FAM169A: variants seen among roughly 807,000 people sequenced by gnomAD.
FAM169A encodes the protein family with sequence similarity 169 member A, also known as soluble lamin-associated protein of 75 kDa.
FAM169A carries 24 observed loss-of-function variants against 75.7 expected under a neutral mutation model. The ratio of observed to expected loss-of-function variants is 0.32; its 90% CI spans 0.23 to 0.45. The LOEUF is 0.45. FAM169A is among the 20% of genes least tolerant of loss of function. The probability of loss-of-function intolerance (pLI) is 1.00; values close to 1 mark genes in which losing one functional copy is unlikely to be tolerated. For missense variants in FAM169A, 673 were observed against 784.0 expected (o/e 0.86, Z 1.69); for synonymous variants, 271 against 271.0 (o/e 1.00, Z 0.00).
intron 5 of FAM169A, among the ~76,000 whole-genome samples, chr5:74,827,345 T>C (rs1011128295): frequency 7.9e-5 from 12 of 152,144 alleles, no homozygotes; most frequent in Admixed American, 1.3e-4. Context: ...TTAACAGTTT[T>C]ACACTGCTCC....
At chr5:74,810,244 A>G (rs974022835) in intron 6 of FAM169A, among the ~76,000 whole-genome samples, 1 of 152,230 alleles carries the variant, frequency 6.6e-6, no homozygotes, top group Admixed American at 6.5e-5. Flanking sequence ...ATTTTTCATG[A>G]AACTCTAGAA....
At chr5:74,807,129 A>G (rs1746928634) in intron 6 of FAM169A, among the ~76,000 whole-genome samples, 1 of 152,182 alleles carries the variant, frequency 6.6e-6, no homozygotes, top group South Asian at 2.1e-4. Flanking sequence ...CTGGGGTTAC[A>G]TTCTGATAAA....
intron 5 of FAM169A, among the ~76,000 whole-genome samples, chr5:74,820,602 C>T (rs1433002048): frequency 6.6e-6 from 1 of 152,070 alleles, no homozygotes; most frequent in Admixed American, 6.6e-5. Context: ...CCACCTCTAC[C>T]CCATCTCCCT....
At chr5:74,823,957 G>C (rs1435708977) in intron 5 of FAM169A, among the ~76,000 whole-genome samples, 2 of 152,106 alleles carry the variant, frequency 1.3e-5, no homozygotes, top group Non-Finnish European at 2.9e-5. Context: ...CTGAATTTTA[G>C]TGAACAGGAA....
At chr5:74,866,092 G>T in intron 1 of FAM169A, 73 bp downstream of exon 1, 15 of 771,140 alleles carry the variant, frequency 1.9e-5, no homozygotes, top group Non-Finnish European at 2.4e-5. Context: ...TGGTGCTGGC[G>T]GGGGCGCGGG....
At chr5:74,827,294 T>C (rs1199787284) in intron 5 of FAM169A, among the ~76,000 whole-genome samples, 1 of 152,152 alleles carries the variant, frequency 6.6e-6, no homozygotes, top group East Asian at 1.9e-4. Context: ...GAAACTATAA[T>C]CAATCTGGTA....
chr5:74,794,227 TGC>T, intron 11 of FAM169A, among the ~76,000 whole-genome samples: 1 of 145,904 alleles, frequency 6.9e-6, no homozygotes, highest in Admixed American at 6.9e-5. Flanking sequence ...ACCCCATCTC[TGC>T]TCAAAATTCA....
At chr5:74,784,932 A>T (rs541775856) in intron 11 of FAM169A, among the ~76,000 whole-genome samples, 74 of 151,130 alleles carry the variant, frequency 4.9e-4, no homozygotes, top group African/African-American at 1.6e-3. Flanking sequence ...AAAAAAAAAA[A>T]AAAAATGAAA....
At chr5:74,793,596 T>C (rs558621614) in intron 11 of FAM169A, among the ~76,000 whole-genome samples, 6 of 152,142 alleles carry the variant, frequency 3.9e-5, no homozygotes, top group South Asian at 2.1e-4. Context: ...AGACTACACG[T>C]TGGGTACAGT....
At chr5:74,789,166 C>A (rs1390609530) in intron 11 of FAM169A, among the ~76,000 whole-genome samples, 2 of 152,208 alleles carry the variant, frequency 1.3e-5, no homozygotes, top group Admixed American at 1.3e-4. Context: ...TTCACTTCCA[C>A]AAGTTATCAC....
chr5:74,851,115 A>C (rs185884170), intron 1 of FAM169A, among the ~76,000 whole-genome samples: 1 of 152,316 alleles, frequency 6.6e-6, no homozygotes, highest in East Asian at 1.9e-4. Context: ...CTGTACAGCA[A>C]AGTCTGGAAG....
chr5:74,799,882 T>A (rs1374764006), intron 10 of FAM169A: 2 of 991,574 alleles, frequency 2.0e-6, no homozygotes, highest in Non-Finnish European at 3.3e-6. Flanking sequence ...CAACGCAACA[T>A]GTCTGCCATG....
At chr5:74,812,654 C>T (rs565797515) in intron 6 of FAM169A, among the ~76,000 whole-genome samples, 1 of 152,042 alleles carries the variant, frequency 6.6e-6, no homozygotes, top group Admixed American at 6.6e-5. Flanking sequence ...AACCCCCCCC[C>T]AAAATGGTCA....
At chr5:74,795,422 T>C (rs1267669088) in intron 11 of FAM169A, among the ~76,000 whole-genome samples, 2 of 151,392 alleles carry the variant, frequency 1.3e-5, no homozygotes, top group African/African-American at 4.9e-5. Flanking sequence ...AAGAGAAAAA[T>C]GGAAATGGAT....
At chr5:74,818,803 C>CTCTCTCTCTA (rs1451956898) in intron 5 of FAM169A, among the ~76,000 whole-genome samples, 2 of 121,620 alleles carry the variant, frequency 1.6e-5, no homozygotes, top group African/African-American at 3.4e-5. Context: ...CTCTCTCTCT[C>CTCTCTCTCTA]TATATATATA....
At position 74,799,601 on chromosome 5, in the gene FAM169A, C is replaced by T. The variant is rs1041066323; in HGVS notation, c.1103+1279G>A. On this transcript the variant is annotated intron_variant, in intron 10 of 12. Transcript: ENST00000687041. Reference sequence around the variant, plus strand: ...ATGTCAGAGTCTGGTGGCGGTGGCACTGGTGGCTGGGTCCACGGGGTCAGC... The same window carrying T: ...ATGTCAGAGTCTGGTGGCGGTGGCATTGGTGGCTGGGTCCACGGGGTCAGC... The T allele has an allele frequency of 4.1e-5, 60 of 1,464,976 alleles. No individual in the cohort carries two copies. The African/African-American group carries it at 7.5e-4, about 18-fold the overall frequency. 90.7% of individuals were successfully genotyped at this position (1,464,976 alleles called of 1,614,324 possible).
chr5:74,836,152 G>C (rs1186091013), intron 4 of FAM169A, among the ~76,000 whole-genome samples: 1 of 152,046 alleles, frequency 6.6e-6, no homozygotes, highest in Non-Finnish European at 1.5e-5. Context: ...TATAAACAAA[G>C]TTTTTATTAG....
At chr5:74,799,549 G>A (rs1746452755) in intron 10 of FAM169A, 2 of 1,529,574 alleles carry the variant, frequency 1.3e-6, no homozygotes, top group African/African-American at 1.4e-5. Flanking sequence ...CATGCCCTGG[G>A]ACAGCAAGAT....
chr5:74,791,437 G>A lies in FAM169A; in HGVS notation c.1260+4593C>T, dbSNP rs945766465. Among the ~76,000 whole-genome samples the A allele has an allele frequency of 2.3e-4, 35 of 152,104 alleles. 1 individual carries two copies. The highest frequency in any genetic ancestry group is 2.3e-3 in the South Asian group (11 of 4,830). ...CTAGTGGTATTAGTTCCAGAGAGAC[G>A]AACGCTGCCACCAGGAGACACAACA... On this transcript the variant is annotated intron_variant, in intron 11 of 12. Transcript: ENST00000687041.
Sources: allele counts gnomAD v4.1 joint callset (sites outside exome capture counted in the v4.1 genomes callset), GRCh38; gene constraint gnomAD v4.1.1; transcripts MANE v1.5; gene names NCBI Gene and HGNC (gene_info 2026-07-23, HGNC 2026-07-21).